Variants in EEFSEC observed in about 807,000 individuals in gnomAD.
EEFSEC encodes eukaryotic elongation factor, selenocysteine-tRNA specific.
A neutral mutation model predicts 42.1 loss-of-function variants in EEFSEC; 43 were observed. That is an observed-to-expected ratio of 1.02 (90% CI 0.80 to 1.32). The LOEUF is 1.32. Among genes scored for constraint, EEFSEC ranks in the 40% most tolerant of loss-of-function variants. The pLI is 0.00. For missense variants in EEFSEC, 745 were observed against 803.6 expected, an observed-to-expected ratio of 0.93 and a Z score of 0.88; for synonymous variants, 354 against 339.1, an observed-to-expected ratio of 1.04 and a Z score of -0.48.
intron 4 of EEFSEC, among the ~76,000 whole-genome samples, chr3:128,294,795 C>G (rs2107991577): frequency 6.6e-6 from 1 of 152,332 alleles, no homozygotes; most frequent in South Asian, 2.1e-4. Context: ...AGATGCCATT[C>G]CAGACAGTTG....
chr3:128,372,522 G>A (rs1171467006), intron 6 of EEFSEC, among the ~76,000 whole-genome samples: 27 of 152,198 alleles, frequency 1.8e-4, no homozygotes, highest in Non-Finnish European at 3.7e-4. Flanking sequence ...CTAGCAAGGG[G>A]AGGAAAACCC....
chr3:128,364,720 GC>G (rs1174398162), intron 6 of EEFSEC, among the ~76,000 whole-genome samples: 1 of 152,220 alleles, frequency 6.6e-6, no homozygotes, highest in African/African-American at 2.4e-5. Flanking sequence ...TGACCCCCAG[GC>G]CCTGCAGCAC....
intron 1 of EEFSEC, among the ~76,000 whole-genome samples, chr3:128,192,933 G>A (rs559602178): frequency 5.3e-5 from 8 of 152,090 alleles, no homozygotes; most frequent in Non-Finnish European, 1.0e-4. Context: ...CTTTAAACAG[G>A]GACTGTACAG....
chr3:128,176,524 A>G (rs2065349827), intron 1 of EEFSEC, among the ~76,000 whole-genome samples: 1 of 152,348 alleles, frequency 6.6e-6, no homozygotes, highest in South Asian at 2.1e-4. Context: ...ATGTTTGCAC[A>G]CTGATAGGTA....
the EEFSEC span, among the ~76,000 whole-genome samples, chr3:128,418,608 C>T: frequency 4.0e-5 from 6 of 151,606 alleles, no homozygotes; most frequent in African/African-American, 1.2e-4. Context: ...CCTGCCCCCA[C>T]TCTGCCCAGC....
At chr3:128,302,225 C>T (rs1476104752) in intron 4 of EEFSEC, among the ~76,000 whole-genome samples, 1 of 152,094 alleles carries the variant, frequency 6.6e-6, no homozygotes, top group Non-Finnish European at 1.5e-5. Flanking sequence ...ACGCCTGTTC[C>T]TTTTGTGGTA....
chr3:128,392,727 C>T (rs193202749), intron 6 of EEFSEC, among the ~76,000 whole-genome samples: 1 of 152,356 alleles, frequency 6.6e-6, no homozygotes, highest in South Asian at 2.1e-4. Flanking sequence ...CCCGCCTCAC[C>T]CCTGAGCCTA....
At chr3:128,310,233 C>A (rs2066875472) in intron 4 of EEFSEC, among the ~76,000 whole-genome samples, 1 of 152,182 alleles carries the variant, frequency 6.6e-6, no homozygotes, top group African/African-American at 2.4e-5. Context: ...TTAGAACTCA[C>A]CTTAGTTGTG....
chr3:128,186,006 G>A (rs150002849), intron 1 of EEFSEC, among the ~76,000 whole-genome samples: 14 of 152,194 alleles, frequency 9.2e-5, no homozygotes, highest in African/African-American at 2.4e-4. Flanking sequence ...CCTTTATGAG[G>A]AACTGCCAAA....
At chr3:128,191,906 G>A (rs909349466) in intron 1 of EEFSEC, among the ~76,000 whole-genome samples, 18 of 152,216 alleles carry the variant, frequency 1.2e-4, no homozygotes, top group African/African-American at 4.3e-4. Flanking sequence ...TGTGAATAGT[G>A]CTTCTTGAAT....
At chr3:128,268,992 CT>C (rs2066385317) in intron 4 of EEFSEC, among the ~76,000 whole-genome samples, 1 of 152,204 alleles carries the variant, frequency 6.6e-6, no homozygotes, top group Admixed American at 6.5e-5. Flanking sequence ...TGTCAGGTCC[CT>C]TAACTCTGAG....
the EEFSEC span, among the ~76,000 whole-genome samples, chr3:128,421,987 A>C: frequency 6.6e-6 from 1 of 152,134 alleles, no homozygotes; most frequent in South Asian, 2.1e-4. Flanking sequence ...TCTCTCATAC[A>C]GGTGGTTTGT....
Position 128,341,123 on chromosome 3 carries a change from G to T in EEFSEC, c.787-110G>T. 21 of 1,347,708 alleles carry T rather than the reference G, an allele frequency of 1.6e-5. No individual in the cohort carries two copies. In the South Asian group the frequency reaches 2.7e-4, roughly 17 times the overall value. The allele number at this position is 1,347,708 out of a possible 1,614,324, so 83.5% of individuals were successfully genotyped here. ...AGACCCCCCTTGGCTGGTCCTCACG[G>T]TGCCTGCAGGTGGTGGTAAGCACAG... On this transcript the variant is annotated intron_variant, in intron 4 of 6. Coordinates refer to ENST00000254730, the MANE Select transcript of EEFSEC (RefSeq NM_021937.5).
At chr3:128,274,672 T>A (rs1387676191) in intron 4 of EEFSEC, among the ~76,000 whole-genome samples, 1 of 152,220 alleles carries the variant, frequency 6.6e-6, no homozygotes, top group East Asian at 1.9e-4. Context: ...TGAGTTTTAT[T>A]GTTTCTAGGA....
chr3:128,376,962 C>T (rs1312110818), intron 6 of EEFSEC, among the ~76,000 whole-genome samples: 3 of 152,174 alleles, frequency 2.0e-5, no homozygotes, highest in African/African-American at 4.8e-5. Flanking sequence ...CCAGCAGCGG[C>T]ACAATCTCTC....
At chr3:128,226,479 T>C (rs2955133) in intron 1 of EEFSEC, among the ~76,000 whole-genome samples, 130,701 of 152,160 alleles carry the variant, frequency 0.86, 56,345 homozygotes, top group East Asian at 0.99. Context: ...CCAAAGATCC[T>C]GGGGAAGTGC....
intron 4 of EEFSEC, among the ~76,000 whole-genome samples, chr3:128,274,540 C>A (rs1352283499): frequency 2.0e-5 from 3 of 152,172 alleles, no homozygotes; most frequent in Non-Finnish European, 4.4e-5. Context: ...GTTGAGGGAG[C>A]CTAGGTCGGT....
chr3:128,296,243 T>C (rs1039202005), intron 4 of EEFSEC, among the ~76,000 whole-genome samples: 1 of 152,152 alleles, frequency 6.6e-6, no homozygotes, highest in African/African-American at 2.4e-5. Context: ...ACGTAGGATC[T>C]TGAAATATGA....
chr3:128,324,955 C>T (rs2108045091), intron 4 of EEFSEC, among the ~76,000 whole-genome samples: 1 of 152,316 alleles, frequency 6.6e-6, no homozygotes, highest in Admixed American at 6.5e-5. Context: ...CCTCTCCGTC[C>T]CAGACAGACT....
Sources: gnomAD v4.1 joint callset for allele counts (sites outside exome capture counted in the v4.1 genomes callset) on GRCh38, gnomAD v4.1.1 for gene constraint, MANE v1.5 for transcripts, NCBI Gene and HGNC (gene_info 2026-07-23, HGNC 2026-07-21) for gene names.